The following DNAJC8 variants were observed in gnomAD, a reference collection of about 807,000 sequenced individuals.
DNAJC8 encodes dnaJ homolog subfamily C member 8.
DNAJC8 carries 24 observed loss-of-function variants against 43.2 expected under a neutral mutation model. That is an observed-to-expected ratio of 0.56 (90% CI 0.40 to 0.78). The LOEUF is 0.78. DNAJC8 is among the 30% of genes least tolerant of loss of function. The probability of loss-of-function intolerance (pLI) is 0.00; values close to 1 mark genes in which losing one functional copy is unlikely to be tolerated. For missense variants in DNAJC8, 207 were observed against 299.4 expected, an observed-to-expected ratio of 0.69 and a Z score of 2.28; for synonymous variants, 83 against 98.0, an observed-to-expected ratio of 0.85 and a Z score of 0.90.
chr1:28,206,001 T>C (rs1023042637), intron 6 of DNAJC8, among the ~76,000 whole-genome samples: 1 of 152,068 alleles, frequency 6.6e-6, no homozygotes, highest in African/African-American at 2.4e-5. Flanking sequence ...CTGAGCAACA[T>C]AGTGAGATCC....
At chr1:28,211,679 C>G (rs1486795406) in intron 3 of DNAJC8, among the ~76,000 whole-genome samples, 1 of 152,204 alleles carries the variant, frequency 6.6e-6, no homozygotes, top group Non-Finnish European at 1.5e-5. Flanking sequence ...ACTTTGTAAA[C>G]CTCTACTAGA....
At chr1:28,214,657 C>T (rs1646838818) in intron 3 of DNAJC8, among the ~76,000 whole-genome samples, 1 of 152,118 alleles carries the variant, frequency 6.6e-6, no homozygotes, top group Non-Finnish European at 1.5e-5. Flanking sequence ...GTTACAACTC[C>T]ATGCAAGCTC....
intron 4 of DNAJC8, 115 bp from the exon 5 acceptor site, chr1:28,210,181 T>C: frequency 2.3e-6 from 2 of 851,910 alleles, no homozygotes; most frequent in Non-Finnish European, 3.7e-6. Flanking sequence ...CTTTAATTAT[T>C]TACTGTCGTT....
chr1:28,220,187 C>T (rs1206233138), intron 2 of DNAJC8, among the ~76,000 whole-genome samples: 1 of 152,190 alleles, frequency 6.6e-6, no homozygotes, highest in Non-Finnish European at 1.5e-5. Flanking sequence ...AGTTATTTTT[C>T]CAAGAGTTAT....
Position 28,232,829 on chromosome 1 carries a change from G to A in DNAJC8, c.78+92C>T, listed in dbSNP as rs1354712248. 15 of 1,381,406 alleles carry A rather than the reference G, an allele frequency of 1.1e-5. No homozygotes were observed. The Admixed American group carries it at 2.4e-4, about 22-fold the overall frequency. 85.6% of individuals were successfully genotyped at this position (1,381,406 alleles called of 1,614,324 possible). On this transcript the variant is annotated intron_variant, in intron 1 of 8. Coordinates refer to ENST00000263697, the MANE Select transcript of DNAJC8 (RefSeq NM_014280.3). ...GACTGGACTGAAGGAATCGCCCAAC[G>A]GTCCAGGCCAGGCGGCCACTGCCTT...
chr1:28,231,382 G>A (rs1236122197), intron 1 of DNAJC8, among the ~76,000 whole-genome samples: 1 of 152,020 alleles, frequency 6.6e-6, no homozygotes, highest in African/African-American at 2.4e-5. Flanking sequence ...TGTTTTTACA[G>A]ATGTGGAATA....
chr1:28,228,182 C>G (rs1480486501), intron 2 of DNAJC8, among the ~76,000 whole-genome samples: 2 of 151,886 alleles, frequency 1.3e-5, no homozygotes, highest in African/African-American at 4.8e-5. Flanking sequence ...AACCCCATCT[C>G]TACTAAGAAT....
Position 28,200,951 on chromosome 1 carries a change from TG to T in DNAJC8, c.*296del. Reference sequence around the variant, plus strand: ...GAAGTTTCTAACCATCACAATTCAGTGAAGTACAAAACACTGAGTTACAGGC... The same window carrying T: ...GAAGTTTCTAACCATCACAATTCAGTAAGTACAAAACACTGAGTTACAGGC... On this transcript the variant is annotated 3_prime_UTR_variant, in exon 9 of 9. Transcript: ENST00000263697. The T allele has an allele frequency of 2.4e-6, 1 of 419,544 alleles. No homozygotes were observed. Among genetic ancestry groups the T allele is most frequent in the Non-Finnish European group, 4.5e-6 (1 of 224,634 alleles). The allele number at this position is 419,544 out of a possible 1,614,324, so 26.0% of individuals were successfully genotyped here. A position where few individuals can be genotyped will look rare whatever the true frequency, so the allele number is the denominator to read the frequency against.
intron 6 of DNAJC8, among the ~76,000 whole-genome samples, chr1:28,206,234 G>A (rs1646767603): frequency 6.6e-6 from 1 of 151,904 alleles, no homozygotes; most frequent in African/African-American, 2.4e-5. Flanking sequence ...ACAATGATAG[G>A]AACAGAAGCT....
intron 3 of DNAJC8, among the ~76,000 whole-genome samples, chr1:28,210,932 G>A (rs540687739): frequency 8.5e-5 from 13 of 152,298 alleles, no homozygotes; most frequent in South Asian, 8.3e-4. Context: ...CACTTTGGGA[G>A]GCTGAGGTGA....
intron 2 of DNAJC8, among the ~76,000 whole-genome samples, chr1:28,219,940 G>C (rs1286883885): frequency 2.0e-5 from 3 of 152,172 alleles, no homozygotes; most frequent in Non-Finnish European, 4.4e-5. Flanking sequence ...GCCTCCCAAA[G>C]TGCTAGGATT....
intron 2 of DNAJC8, among the ~76,000 whole-genome samples, chr1:28,222,156 A>G (rs973350255): frequency 1.3e-5 from 2 of 152,168 alleles, no homozygotes; most frequent in African/African-American, 2.4e-5. Flanking sequence ...AGGATGGATA[A>G]TAGTAATGGT....
In DNAJC8 at chr1:28,203,819, T is replaced by C. The variant is rs1292803597; in HGVS notation, c.567A>G (p.Lys189=). 5.6e-6 allele frequency: 9 copies of C among 1,614,042 alleles called. No individual in the cohort carries two copies. In the African/African-American group the frequency reaches 8.0e-5, roughly 14 times the overall value. Reference sequence around the variant, plus strand: ...CTTCAATCTCTTCTTCCCTTTGTCGTTTCCTAGGAGGAAAACCAGATCATA... The same window carrying C: ...CTTCAATCTCTTCTTCCCTTTGTCGCTTCCTAGGAGGAAAACCAGATCATA... ...EREAKEMHER[K]RQREEEIEAQ... Residue 189 remains lysine (K), a synonymous_variant, in exon 8 of 9, where the codon AAA becomes AAG. Coordinates refer to ENST00000263697, the MANE Select transcript of DNAJC8 (RefSeq NM_014280.3).
chr1:28,229,048 T>G (rs1225995943), intron 1 of DNAJC8, 25 bp from the exon 2 acceptor site: 10 of 1,574,688 alleles, frequency 6.4e-6, no homozygotes, highest in Non-Finnish European at 8.7e-6. Context: ...ATTAAAAACT[T>G]CATTAATAGA....
At chr1:28,227,071 T>C (rs1442572424) in intron 2 of DNAJC8, among the ~76,000 whole-genome samples, 1 of 116,192 alleles carries the variant, frequency 8.6e-6, no homozygotes, top group Non-Finnish European at 1.7e-5. Flanking sequence ...TTGTCAAGCA[T>C]TGCAAAAAAA....
At position 28,208,423 on chromosome 1, in the gene DNAJC8, A is replaced by G; in HGVS notation, c.400-10T>C. On this transcript the variant is annotated splice_polypyrimidine_tract_variant and intron_variant, in intron 5 of 8. Transcript: ENST00000263697. Reference sequence around the variant, plus strand: ...TTTTTCGCTCTTTCACCTAAAAAGAATTTTTTTTCATCAAAAGACGAGCAT... The same window carrying G: ...TTTTTCGCTCTTTCACCTAAAAAGAGTTTTTTTTCATCAAAAGACGAGCAT... 1 of 1,598,448 alleles carries G rather than the reference A, an allele frequency of 6.3e-7. No individual in the cohort carries two copies. Among genetic ancestry groups the G allele is most frequent in the Non-Finnish European group, 8.6e-7 (1 of 1,168,254 alleles).
At chr1:28,217,027 T>C (rs1265099241) in intron 2 of DNAJC8, among the ~76,000 whole-genome samples, 2 of 152,024 alleles carry the variant, frequency 1.3e-5, no homozygotes, top group East Asian at 3.9e-4. Flanking sequence ...AGGCTGGTCT[T>C]GAACTCCCAA....
intron 2 of DNAJC8, among the ~76,000 whole-genome samples, chr1:28,217,877 G>A (rs1646870309): frequency 6.6e-6 from 1 of 151,802 alleles, no homozygotes; most frequent in African/African-American, 2.4e-5. Flanking sequence ...ATGATGTTAT[G>A]GGATATATAC....
chr1:28,212,316 C>T (rs1646820672), intron 3 of DNAJC8, among the ~76,000 whole-genome samples: 1 of 131,186 alleles, frequency 7.6e-6, no homozygotes, highest in Admixed American at 8.1e-5. Flanking sequence ...GCTCTATCAT[C>T]CAGGCTGGAG....
Sources: allele counts gnomAD v4.1 joint callset (sites outside exome capture counted in the v4.1 genomes callset), GRCh38; gene constraint gnomAD v4.1.1; transcripts MANE v1.5; gene names NCBI Gene and HGNC (gene_info 2026-07-23, HGNC 2026-07-21).